The following SERINC5 variants were observed in gnomAD, a reference collection of about 807,000 sequenced individuals.
SERINC5 encodes the protein serine incorporator 5.
In SERINC5, 41 loss-of-function variants were observed where a neutral mutation model predicts 63.1. That is an observed-to-expected ratio of 0.65 (90% CI 0.51 to 0.84). The LOEUF is 0.84. SERINC5 is among the 40% of genes least tolerant of loss of function. SERINC5 has a pLI of 0.00. For synonymous variants in SERINC5, 222 were observed against 215.2 expected (o/e 1.03, Z -0.28); for missense variants, 523 against 573.0 (o/e 0.91, Z 0.89).
intron 7 of SERINC5, among the ~76,000 whole-genome samples, chr5:80,164,354 CTTTAT>C (rs1040798034): frequency 3.3e-5 from 5 of 150,438 alleles, no homozygotes; most frequent in African/African-American, 1.2e-4. Context: ...GGAGGGGGGT[CTTTAT>C]TTTATTTAGT....
chr5:80,163,144 T>C (rs753259214), intron 7 of SERINC5, among the ~76,000 whole-genome samples: 17 of 149,660 alleles, frequency 1.1e-4, no homozygotes, highest in African/African-American at 3.7e-4. Context: ...TGTGAGCCAA[T>C]GCACCCAGCC....
intron 2 of SERINC5, among the ~76,000 whole-genome samples, chr5:80,194,405 G>A (rs188644626): frequency 1.7e-4 from 26 of 152,306 alleles, no homozygotes; most frequent in African/African-American, 6.0e-4. Flanking sequence ...ATGAAGACCT[G>A]TCATTTTACA....
In SERINC5 at chr5:80,131,689, A is replaced by G. The variant is rs1186076319; in HGVS notation, c.1238+14401T>C. 2.6e-5 allele frequency among the ~76,000 whole-genome samples: 4 copies of G among 152,334 alleles called. No individual in the cohort carries two copies. In the East Asian group the frequency reaches 7.7e-4, roughly 29 times the overall value. On this transcript the variant is annotated intron_variant, in intron 11 of 12. Coordinates refer to the SERINC5 transcript ENST00000509193. ...GAGTCTTTGGCTTTTACTTCAAAGG[A>G]AACGGGAAGCCATTTTGAGGGTGTG...
intron 7 of SERINC5, 84 bp from the exon 8 acceptor site, chr5:80,159,046 G>A: frequency 7.0e-7 from 1 of 1,419,838 alleles, no homozygotes; most frequent in Non-Finnish European, 9.8e-7. Flanking sequence ...GGAAAATTCA[G>A]GTAGCTGTGG....
intron 2 of SERINC5, among the ~76,000 whole-genome samples, chr5:80,196,276 G>A (rs1163955024): frequency 1.3e-5 from 2 of 152,132 alleles, no homozygotes; most frequent in Non-Finnish European, 2.9e-5. Flanking sequence ...GGGAAGGGCA[G>A]AGGGCAGTGT....
chr5:80,231,338 A>C (rs1561444077), intron 1 of SERINC5, among the ~76,000 whole-genome samples: 1 of 152,202 alleles, frequency 6.6e-6, no homozygotes, highest in Non-Finnish European at 1.5e-5. Flanking sequence ...GAACAGTTTA[A>C]CTGTGATATA....
At chr5:80,191,691 A>G (rs1239550268) in intron 2 of SERINC5, among the ~76,000 whole-genome samples, 11 of 150,360 alleles carry the variant, frequency 7.3e-5, no homozygotes, top group African/African-American at 2.5e-4. Flanking sequence ...GAAAAAAAAA[A>G]AGACTTTTTT....
In SERINC5 at chr5:80,140,043, G is replaced by A; in HGVS notation, c.*3620C>T. 2 of 985,268 alleles carry A rather than the reference G, an allele frequency of 2.0e-6. No individual in the cohort carries two copies. Among genetic ancestry groups the A allele is most frequent in the Non-Finnish European group, 2.4e-6 (2 of 829,838 alleles). The allele number at this position is 985,268 out of a possible 1,614,324, so 61.0% of individuals were successfully genotyped here. On this transcript the variant is annotated 3_prime_UTR_variant, in exon 12 of 12. Transcript: ENST00000507668. The stretch of plus-strand genomic sequence containing the variant: ...AAATACATCATCTTAAAAAGGCAGA[G>A]GGTAGGCTGCGTGCAGTGGTTTACG...
In SERINC5 at chr5:80,141,798, A is replaced by C. The variant is rs10053887; in HGVS notation, c.*1865T>G. On this transcript the variant is annotated 3_prime_UTR_variant, in exon 12 of 12. Transcript: ENST00000507668. ...TGCTGAGTACAGAGCTCCTGCCCTA[A>C]AAAAGGAAATTTAATGGAATTTACA... is the stretch of plus-strand genomic sequence containing the variant. 0.56 allele frequency: 556,320 copies of C among 984,880 alleles called. 157,732 individuals are homozygous for C. Among genetic ancestry groups the C allele is most frequent in the African/African-American group, 0.65 (37,382 of 57,242 alleles). 61.0% of individuals were successfully genotyped at this position (984,880 alleles called of 1,614,324 possible).
Position 80,142,921 on chromosome 5 carries a change from C to T in SERINC5, c.*742G>A, listed in dbSNP as rs948814623. 1.9e-5 allele frequency: 19 copies of T among 985,250 alleles called. No homozygotes were observed. Among genetic ancestry groups the T allele is most frequent in the East Asian group, 1.1e-4 (1 of 8,818 alleles). The allele number at this position is 985,250 out of a possible 1,614,324, so 61.0% of individuals were successfully genotyped here. A position where few individuals can be genotyped will look rare whatever the true frequency, so the allele number is the denominator to read the frequency against. ...AAGCGCCGTACTTATTGCAGTAACT[C>T]GGATCAGGTAGTGATAATAAGGTGG... is the stretch of plus-strand genomic sequence containing the variant. On this transcript the variant is annotated 3_prime_UTR_variant, in exon 12 of 12. Coordinates refer to ENST00000507668, the MANE Select transcript of SERINC5 (RefSeq NM_001174072.3).
intron 1 of SERINC5, among the ~76,000 whole-genome samples, chr5:80,219,721 G>C (rs1750816393): frequency 6.6e-6 from 1 of 152,118 alleles, no homozygotes; most frequent in South Asian, 2.1e-4. Flanking sequence ...CCCAGCTTGA[G>C]AAACTCCTGT....
At chr5:80,153,215 T>G (rs1580071983) in intron 8 of SERINC5, among the ~76,000 whole-genome samples, 1 of 151,932 alleles carries the variant, frequency 6.6e-6, no homozygotes, top group Non-Finnish European at 1.5e-5. Context: ...CCCAACACTT[T>G]GGGAGGCTGA....
At chr5:80,158,487 G>A (rs1167304488) in intron 8 of SERINC5, 2 of 214,502 alleles carry the variant, frequency 9.3e-6, no homozygotes, top group African/African-American at 4.6e-5. Flanking sequence ...GTGCTCCCCT[G>A]CCCTCCAGTA....
intron 2 of SERINC5, chr5:80,198,517 T>G (rs1169393406): frequency 1.0e-6 from 1 of 985,276 alleles, no homozygotes; most frequent in Non-Finnish European, 1.2e-6. Flanking sequence ...CACGCGACTC[T>G]GGCAGAACGC....
At chr5:80,183,865 C>T (rs1033881245) in intron 2 of SERINC5, among the ~76,000 whole-genome samples, 3 of 152,126 alleles carry the variant, frequency 2.0e-5, no homozygotes, top group Non-Finnish European at 2.9e-5. Context: ...TCACACAAAG[C>T]CTGTTTGGTG....
Position 80,161,018 on chromosome 5 carries a change from GTATA to G in SERINC5, c.860-2060_860-2057del, listed in dbSNP as rs967132767. Among the ~76,000 whole-genome samples, 43 of 143,314 alleles carry G rather than the reference GTATA, an allele frequency of 3.0e-4. No homozygotes were observed. In the South Asian group the frequency reaches 5.9e-3, roughly 20 times the overall value. The allele number at this position is 143,314 out of a possible 152,430, so 94.0% of individuals were successfully genotyped here. On this transcript the variant is annotated intron_variant, in intron 7 of 11. Coordinates refer to ENST00000507668, the MANE Select transcript of SERINC5 (RefSeq NM_001174072.3). ...TATATATATACGTGTATATATACGT[GTATA>G]TATATACACACGTGTATATATATAT...
chr5:80,116,032 G>T, intron 11 of SERINC5: 1 of 313,454 alleles, frequency 3.2e-6, no homozygotes, highest in Admixed American at 4.6e-5. Context: ...CAACAATCAG[G>T]CCTCATCTGA....
At chr5:80,216,213 G>A (rs1245742649) in intron 1 of SERINC5, among the ~76,000 whole-genome samples, 1 of 152,004 alleles carries the variant, frequency 6.6e-6, no homozygotes. Flanking sequence ...CTTTCTTGTC[G>A]GGGGCTGACC....
chr5:80,116,621 G>A (rs561840972), intron 11 of SERINC5, among the ~76,000 whole-genome samples: 3 of 152,124 alleles, frequency 2.0e-5, no homozygotes, highest in African/African-American at 7.2e-5. Flanking sequence ...CCAAGAGGAT[G>A]ACATAAATGC....
Sources: gnomAD v4.1 joint callset for allele counts (sites outside exome capture counted in the v4.1 genomes callset) on GRCh38, gnomAD v4.1.1 for gene constraint, MANE v1.5 for transcripts, NCBI Gene and HGNC (gene_info 2026-07-23, HGNC 2026-07-21) for gene names.